Variants in UBE2E1 observed in about 807,000 individuals in gnomAD.
UBE2E1 encodes ubiquitin conjugating enzyme E2 E1, also known as ubiquitin-conjugating enzyme E2 E1.
In UBE2E1, 6 loss-of-function variants were observed where a neutral mutation model predicts 21.4. The ratio of observed to expected loss-of-function variants is 0.28; its 90% CI spans 0.15 to 0.55. The LOEUF (loss-of-function observed/expected upper bound fraction) is 0.55. Ranked by LOEUF, UBE2E1 falls within the 20% of genes least tolerant of loss-of-function variation. UBE2E1 has a pLI of 0.93. For missense variants in UBE2E1, 142 were observed against 236.5 expected, an observed-to-expected ratio of 0.60 and a Z score of 2.62; for synonymous variants, 87 against 82.7, an observed-to-expected ratio of 1.05 and a Z score of -0.28.
At chr3:23,862,741 T>C (rs1700582026) in intron 3 of UBE2E1, among the ~76,000 whole-genome samples, 1 of 152,192 alleles carries the variant, frequency 6.6e-6, no homozygotes, top group Admixed American at 6.5e-5. Flanking sequence ...TTATTTATTT[T>C]TTGAGACAGA....
chr3:23,862,773 T>G (rs1700582578), intron 3 of UBE2E1, among the ~76,000 whole-genome samples: 1 of 152,176 alleles, frequency 6.6e-6, no homozygotes, highest in African/African-American at 2.4e-5. Flanking sequence ...TCACCCAGGT[T>G]GGCATGTAGT....
At chr3:23,837,027 A>C (rs1054327297) in intron 3 of UBE2E1, among the ~76,000 whole-genome samples, 1 of 152,182 alleles carries the variant, frequency 6.6e-6, no homozygotes, top group Non-Finnish European at 1.5e-5. Context: ...TTAAAATCCT[A>C]GCTCTCACAT....
At chr3:23,886,904 T>C (rs1701199240) in intron 3 of UBE2E1, among the ~76,000 whole-genome samples, 1 of 152,234 alleles carries the variant, frequency 6.6e-6, no homozygotes, top group African/African-American at 2.4e-5. Context: ...AATTATGGTG[T>C]ACCCAAGTGT....
chr3:23,818,196 C>T (rs1385191463), intron 3 of UBE2E1, among the ~76,000 whole-genome samples: 2 of 152,122 alleles, frequency 1.3e-5, no homozygotes, highest in Non-Finnish European at 2.9e-5. Flanking sequence ...ATAAATAAGG[C>T]AGGAGGATGA....
chr3:23,879,661 C>T (rs1281300480), intron 3 of UBE2E1, among the ~76,000 whole-genome samples: 1 of 152,204 alleles, frequency 6.6e-6, no homozygotes, highest in African/African-American at 2.4e-5. Flanking sequence ...CCGTGGGCAC[C>T]AGGGAGGCCT....
intron 3 of UBE2E1, among the ~76,000 whole-genome samples, chr3:23,864,588 A>G (rs1230534528): frequency 2.6e-5 from 4 of 151,770 alleles, no homozygotes. Flanking sequence ...TCTGAATGTT[A>G]TTTTGTTTTG....
At position 23,810,670 on chromosome 3, in the gene UBE2E1, G is replaced by A; in HGVS notation, c.153-790G>A. Reference sequence around the variant, plus strand: ...GGGTGTTCGCGCCCTGCTTTCGCGCGCGGTCTCGGGCCAAGGTTCTGGGCG... The same window carrying A: ...GGGTGTTCGCGCCCTGCTTTCGCGCACGGTCTCGGGCCAAGGTTCTGGGCG... On this transcript the variant is annotated intron_variant, in intron 2 of 5. Coordinates refer to ENST00000306627, the MANE Select transcript of UBE2E1 (RefSeq NM_003341.5). This position sits in a 1 kb window ranked among gnomAD's most constrained non-coding sequence, Gnocchi z 5.8. The A allele has an allele frequency of 1.3e-6, 1 of 754,390 alleles. No homozygotes were observed. The allele number at this position is 754,390 out of a possible 1,614,324, so 46.7% of individuals were successfully genotyped here. A position where few individuals can be genotyped will look rare whatever the true frequency, so the allele number is the denominator to read the frequency against.
intron 3 of UBE2E1, among the ~76,000 whole-genome samples, chr3:23,825,776 G>A (rs1699744834): frequency 6.6e-6 from 1 of 152,148 alleles, no homozygotes; most frequent in Admixed American, 6.5e-5. Flanking sequence ...AGGTAGGCAG[G>A]GGTCAGATTT....
chr3:23,861,336 T>A (rs1700550773), intron 3 of UBE2E1, among the ~76,000 whole-genome samples: 1 of 152,190 alleles, frequency 6.6e-6, no homozygotes, highest in Admixed American at 6.5e-5. Context: ...TCTGAATTGT[T>A]TGATGTTTTC....
At chr3:23,807,140 G>A in intron 1 of UBE2E1, 97 bp from the exon 2 acceptor site, 1 of 1,025,260 alleles carries the variant, frequency 9.8e-7, no homozygotes, top group South Asian at 1.9e-5. Flanking sequence ...GCGGCCGCGT[G>A]CGCCCCTGGT....
rs1049528139 is a variant in UBE2E1 at position 23,805,994 on chromosome 3, C to G, written c.-128C>G. 3.2e-5 allele frequency: 5 copies of G among 153,982 alleles called. No individual in the cohort carries two copies. The highest frequency in any genetic ancestry group is 1.2e-4 in the African/African-American group (5 of 41,384). 9.5% of individuals were successfully genotyped at this position (153,982 alleles called of 1,614,324 possible). ...AGTTGCTGTTGCTGCACTTCCGCTTCTCTCCCAGCGAGAGAGAGACACGAG... is the reference window on the plus strand; with the variant it reads ...AGTTGCTGTTGCTGCACTTCCGCTTGTCTCCCAGCGAGAGAGAGACACGAG... On this transcript the variant is annotated 5_prime_UTR_variant, in exon 1 of 6. Transcript: ENST00000306627. This position sits in a 1 kb window ranked among gnomAD's most constrained non-coding sequence, Gnocchi z 6.5.
At position 23,863,968 on chromosome 3, in the gene UBE2E1, A is replaced by G. The variant is rs573928005; in HGVS notation, c.204-23599A>G. Among the ~76,000 whole-genome samples, 4 of 152,264 alleles carry G rather than the reference A, an allele frequency of 2.6e-5. No individual in the cohort carries two copies. The highest frequency in any genetic ancestry group is 9.6e-5 in the African/African-American group (4 of 41,534). On this transcript the variant is annotated intron_variant, in intron 3 of 5. Transcript: ENST00000306627. The surrounding 1 kb of genome is among the most constrained non-coding windows in gnomAD (Gnocchi z 4.3). ...TGTCTTTTGGGGAATTCTCTTTACTATTCTACATAGAAGTTTTGTTTCCTT... is the reference window on the plus strand; with the variant it reads ...TGTCTTTTGGGGAATTCTCTTTACTGTTCTACATAGAAGTTTTGTTTCCTT...
chr3:23,834,811 T>G (rs1004211877), intron 3 of UBE2E1, among the ~76,000 whole-genome samples: 1 of 152,232 alleles, frequency 6.6e-6, no homozygotes, highest in South Asian at 2.1e-4. Flanking sequence ...TGGCTGATGT[T>G]TTTTCTTACA....
chr3:23,835,245 G>A (rs1486407614), intron 3 of UBE2E1, among the ~76,000 whole-genome samples: 1 of 152,170 alleles, frequency 6.6e-6, no homozygotes, highest in South Asian at 2.1e-4. Context: ...TGAGGCAGGA[G>A]GATTGCTTGA....
chr3:23,810,459 G>C lies in UBE2E1; in HGVS notation c.153-1001G>C, dbSNP rs1225455467. 2.1e-5 allele frequency: 33 copies of C among 1,535,806 alleles called. No homozygotes were observed. The highest frequency in any genetic ancestry group is 2.9e-5 in the Non-Finnish European group (33 of 1,146,698). On this transcript the variant is annotated intron_variant, in intron 2 of 5. Transcript: ENST00000306627. This position sits in a 1 kb window ranked among gnomAD's most constrained non-coding sequence, Gnocchi z 5.8. ...CAGGTCTCCAGTCTATCCCCAGTGT[G>C]AGCTAGAGAGCGGACCATGAAGGAA... is the stretch of plus-strand genomic sequence containing the variant.
At chr3:23,867,756 G>T (rs1275734336) in intron 3 of UBE2E1, among the ~76,000 whole-genome samples, 2 of 152,194 alleles carry the variant, frequency 1.3e-5, no homozygotes, top group Non-Finnish European at 2.9e-5. Context: ...AAGGAAGAGG[G>T]TAGGAAAGAG....
In UBE2E1 at chr3:23,882,419, C is replaced by T. The variant is rs140805430; in HGVS notation, c.204-5148C>T. On this transcript the variant is annotated intron_variant, in intron 3 of 5. Transcript: ENST00000306627. ...GTACATTTACAATCCTCCAGCTAGA[C>T]GTAAAAGTTCTCCAAGTCCCCACTT... Among the ~76,000 whole-genome samples, 606 of 152,378 alleles carry T rather than the reference C, an allele frequency of 4.0e-3. 6 individuals are homozygous for T. The highest frequency in any genetic ancestry group is 0.013 in the African/African-American group (542 of 41,598).
At position 23,807,241 on chromosome 3, in the gene UBE2E1, T is replaced by C. The variant is rs756856856; in HGVS notation, c.-29T>C. On this transcript the variant is annotated 5_prime_UTR_variant, in exon 2 of 6. Transcript: ENST00000306627. Reference sequence around the variant, plus strand: ...TTTGTTTCTCTCCCCCTGCAGGGGCTGTTTGCGGGGTGGGGTGGGGGGTTC... The same window carrying C: ...TTTGTTTCTCTCCCCCTGCAGGGGCCGTTTGCGGGGTGGGGTGGGGGGTTC... The C allele has an allele frequency of 1.2e-6, 2 of 1,601,320 alleles. No homozygotes were observed. The highest frequency in any genetic ancestry group is 2.2e-5 in the South Asian group (2 of 90,132).
chr3:23,889,264 G>C lies in UBE2E1; in HGVS notation c.484+5G>C, dbSNP rs1414372710. Reference sequence around the variant, plus strand: ...TTCTTACAGACTGTAATCCTGGTAAGGTTCATAATTCTTTACCTTGTTTTA... The same window carrying C: ...TTCTTACAGACTGTAATCCTGGTAACGTTCATAATTCTTTACCTTGTTTTA... On this transcript the variant is annotated splice_donor_5th_base_variant and intron_variant, in intron 5 of 5. Coordinates refer to ENST00000306627, the MANE Select transcript of UBE2E1 (RefSeq NM_003341.5). The C allele has an allele frequency of 6.2e-7, 1 of 1,613,640 alleles. No homozygotes were observed.
Sources: gnomAD v4.1 joint callset for allele counts (sites outside exome capture counted in the v4.1 genomes callset) on GRCh38, gnomAD v4.1.1 for gene constraint, Gnocchi (gnomAD v3.1) non-coding constraint, MANE v1.5 for transcripts, NCBI Gene and HGNC (gene_info 2026-07-23, HGNC 2026-07-21) for gene names.